The following PBX3 variants were observed in gnomAD, a reference collection of about 807,000 sequenced individuals.
PBX3 encodes pre-B-cell leukemia transcription factor 3.
A neutral mutation model predicts 48.5 loss-of-function variants in PBX3; 14 were observed. That is an observed-to-expected ratio of 0.29 (90% confidence interval 0.19 to 0.45). PBX3 has a LOEUF of 0.45. PBX3 is among the 20% of genes least tolerant of loss of function. The pLI is 1.00. For missense variants in PBX3, 386 were observed against 546.7 expected, an observed-to-expected ratio of 0.71 and a Z score of 2.93; for synonymous variants, 210 against 200.3, an observed-to-expected ratio of 1.05 and a Z score of -0.41.
At chr9:125,780,199 C>T (rs1481645696) in intron 2 of PBX3, among the ~76,000 whole-genome samples, 2 of 132,300 alleles carry the variant, frequency 1.5e-5, no homozygotes, top group African/African-American at 2.9e-5. Context: ...TGCTGATCCC[C>T]CCACCTCCCT....
chr9:125,896,854 T>G (rs1038424744), intron 2 of PBX3, among the ~76,000 whole-genome samples: 13 of 152,040 alleles, frequency 8.6e-5, no homozygotes, highest in African/African-American at 2.7e-4. Context: ...TTTTTTACAC[T>G]CTAACAAATG....
chr9:125,793,003 A>G (rs1837656783), intron 2 of PBX3, among the ~76,000 whole-genome samples: 1 of 151,948 alleles, frequency 6.6e-6, no homozygotes, highest in Admixed American at 6.6e-5. Flanking sequence ...CGGCCGAGGT[A>G]TACTTAATTT....
chr9:125,928,914 T>TTG (rs144143407), intron 3 of PBX3, among the ~76,000 whole-genome samples: 10,691 of 152,256 alleles, frequency 0.07, 860 homozygotes, highest in African/African-American at 0.18. Context: ...ATTGGAATGC[T>TTG]TGGCACGCAA....
intron 2 of PBX3, chr9:125,749,179 A>G (rs1836296177): frequency 6.5e-6 from 1 of 152,862 alleles, no homozygotes; most frequent in African/African-American, 2.4e-5. Context: ...TACATCTGTT[A>G]ATACTTGTAT....
At chr9:125,876,058 C>T (rs141499326) in intron 2 of PBX3, among the ~76,000 whole-genome samples, 1 of 152,230 alleles carries the variant, frequency 6.6e-6, no homozygotes, top group East Asian at 1.9e-4. Context: ...AATAATAATA[C>T]AAAAAAATTC....
chr9:125,765,298 G>A (rs986970234), intron 2 of PBX3, among the ~76,000 whole-genome samples: 4 of 151,712 alleles, frequency 2.6e-5, no homozygotes, highest in Non-Finnish European at 4.4e-5. Flanking sequence ...ACAGGCGCGC[G>A]CCACTGTGCC....
chr9:125,754,530 A>G (rs573759261), intron 2 of PBX3, among the ~76,000 whole-genome samples: 2 of 152,204 alleles, frequency 1.3e-5, no homozygotes, highest in African/African-American at 2.4e-5. Context: ...TTTAGCAAAT[A>G]ATAAGTAATT....
chr9:125,834,936 G>C (rs1316268317), intron 2 of PBX3, among the ~76,000 whole-genome samples: 1 of 135,052 alleles, frequency 7.4e-6, no homozygotes, highest in Non-Finnish European at 1.5e-5. Flanking sequence ...AGAATCGCTT[G>C]AATCTGGGAG....
chr9:125,801,708 C>T (rs569665636), intron 2 of PBX3, among the ~76,000 whole-genome samples: 11 of 151,740 alleles, frequency 7.2e-5, no homozygotes, highest in South Asian at 6.2e-4. Context: ...CAGCATTTCC[C>T]GTCATAGCTT....
At chr9:125,937,921 A>G (rs1265497686) in intron 5 of PBX3, among the ~76,000 whole-genome samples, 2 of 152,192 alleles carry the variant, frequency 1.3e-5, no homozygotes, top group African/African-American at 4.8e-5. Context: ...TCAGCCTCCC[A>G]AAGTGCTGGG....
At position 125,962,104 on chromosome 9, in the gene PBX3, T is replaced by G. The variant is rs1564193229; in HGVS notation, c.1012T>G (p.Ser338Ala). Residue 338 changes from serine to alanine, a missense_variant and splice_region_variant, in exon 7 of 9, where the codon TCT (serine) becomes GCT (alanine). By Grantham distance (99) the Ser-to-Ala change is moderately conservative. Coordinates refer to ENST00000373489, the MANE Select transcript of PBX3 (RefSeq NM_006195.6). ...TNSPTTPNSG[S>A]SGSFNLPNSG... ...CTACTTAACTCTTTCCTTTCCAGGT[T>G]CTTCTGGTTCTTTTAACCTCCCAAA... is the stretch of plus-strand genomic sequence containing the variant. 6.5e-7 allele frequency: 1 copy of G among 1,544,530 alleles called. No individual in the cohort carries two copies. Among genetic ancestry groups the G allele is most frequent in the African/African-American group, 1.4e-5 (1 of 73,548 alleles).
intron 5 of PBX3, among the ~76,000 whole-genome samples, chr9:125,947,389 A>G (rs577527430): frequency 6.6e-6 from 1 of 152,292 alleles, no homozygotes; most frequent in Admixed American, 6.5e-5. Flanking sequence ...TAAGTGTTCT[A>G]AGACTCTTAC....
chr9:125,799,380 G>A (rs1010217365), intron 2 of PBX3, among the ~76,000 whole-genome samples: 4 of 152,078 alleles, frequency 2.6e-5, no homozygotes, highest in Admixed American at 6.6e-5. Flanking sequence ...TGGCGTGCAC[G>A]CTGTAGTCCC....
At chr9:125,774,875 C>CTT (rs929912366) in intron 2 of PBX3, among the ~76,000 whole-genome samples, 3 of 141,670 alleles carry the variant, frequency 2.1e-5, no homozygotes, top group Middle Eastern at 3.5e-3. Context: ...GTTCCAGTTT[C>CTT]TTTTTTTTTT....
At chr9:125,848,090 T>C (rs1839475982) in intron 2 of PBX3, among the ~76,000 whole-genome samples, 1 of 151,994 alleles carries the variant, frequency 6.6e-6, no homozygotes, top group African/African-American at 2.4e-5. Context: ...CTGCGTGACT[T>C]ACTTTGTGTG....
At chr9:125,760,752 A>G (rs768433377) in intron 2 of PBX3, among the ~76,000 whole-genome samples, 2 of 152,220 alleles carry the variant, frequency 1.3e-5, no homozygotes, top group African/African-American at 2.4e-5. Context: ...TTCTGTGCAT[A>G]TAAGTACCTA....
intron 2 of PBX3, among the ~76,000 whole-genome samples, chr9:125,775,367 T>A (rs951087082): frequency 6.6e-6 from 1 of 152,230 alleles, no homozygotes; most frequent in African/African-American, 2.4e-5. Context: ...TAAAAACTTT[T>A]ATGGTTTTAG....
chr9:125,947,603 A>G (rs1474937666), intron 5 of PBX3, among the ~76,000 whole-genome samples: 1 of 152,194 alleles, frequency 6.6e-6, no homozygotes, highest in African/African-American at 2.4e-5. Flanking sequence ...CAAGGAAAAA[A>G]GAGAAAATGC....
intron 2 of PBX3, among the ~76,000 whole-genome samples, chr9:125,834,628 C>T (rs1306488670): frequency 2.0e-5 from 3 of 151,468 alleles, no homozygotes; most frequent in African/African-American, 7.3e-5. Flanking sequence ...GAACTCCTGA[C>T]CTCAGGTGAT....
Sources: gnomAD v4.1 joint callset for allele counts (sites outside exome capture counted in the v4.1 genomes callset) on GRCh38, gnomAD v4.1.1 for gene constraint, MANE v1.5 for transcripts, NCBI Gene and HGNC (gene_info 2026-07-23, HGNC 2026-07-21) for gene names.